KMT2C: variants seen among roughly 807,000 people sequenced by gnomAD.
KMT2C encodes the protein lysine methyltransferase 2C.
A neutral mutation model predicts 507.9 loss-of-function variants in KMT2C; 88 were observed. That is an observed-to-expected ratio of 0.17 (90% confidence interval 0.15 to 0.21). The LOEUF (loss-of-function observed/expected upper bound fraction) is 0.21. Among genes scored for constraint, KMT2C ranks in the 10% least tolerant of loss-of-function variants. The pLI, the probability that KMT2C is intolerant of heterozygous loss-of-function variation, is 1.00. For missense variants in KMT2C, 4,954 were observed against 5,957.8 expected, an observed-to-expected ratio of 0.83 and a Z score of 5.55; for synonymous variants, 2,049 against 2,080.8, an observed-to-expected ratio of 0.98 and a Z score of 0.42.
At position 152,256,358 on chromosome 7, in the gene KMT2C, G is replaced by A. The variant is rs568025765; in HGVS notation, c.1300-3643C>T. On this transcript the variant is annotated intron_variant, in intron 9 of 58. Transcript: ENST00000262189. Reference sequence around the variant, plus strand: ...AAAAATAATAAAAACAAAGTCAAAAGACACATAATACAGCCTGGACAACAT... The same window carrying A: ...AAAAATAATAAAAACAAAGTCAAAAAACACATAATACAGCCTGGACAACAT... 2.1e-4 allele frequency among the ~76,000 whole-genome samples: 32 copies of A among 151,802 alleles called. 2 individuals are homozygous for A. The highest frequency in any genetic ancestry group is 7.2e-4 in the African/African-American group (30 of 41,396).
At chr7:152,381,947 T>C (rs1289521055) in intron 1 of KMT2C, among the ~76,000 whole-genome samples, 2 of 152,212 alleles carry the variant, frequency 1.3e-5, no homozygotes, top group African/African-American at 4.8e-5. Context: ...AAGCTCAATG[T>C]CCATGTCTCC....
intron 42 of KMT2C, among the ~76,000 whole-genome samples, chr7:152,164,156 TA>T (rs1201951052): frequency 6.6e-6 from 1 of 152,082 alleles, no homozygotes; most frequent in Non-Finnish European, 1.5e-5. Context: ...AAATATACAA[TA>T]AAAAAGGTTA....
chr7:152,280,412 G>A lies in KMT2C; in HGVS notation c.850-6545C>T, dbSNP rs201816012. Among the ~76,000 whole-genome samples the A allele has an allele frequency of 6.8e-4, 104 of 152,346 alleles. No individual in the cohort carries two copies. In the East Asian group the frequency reaches 0.016, roughly 23 times the overall value. On this transcript the variant is annotated intron_variant, in intron 6 of 58. Coordinates refer to ENST00000262189, the MANE Select transcript of KMT2C (RefSeq NM_170606.3). Reference sequence around the variant, plus strand: ...AAATAAAAAAAAAAAATTAGCCGGCGTGGTGGCGCACGCCTGTAATCCCGG... The same window carrying A: ...AAATAAAAAAAAAAAATTAGCCGGCATGGTGGCGCACGCCTGTAATCCCGG...
At chr7:152,350,816 C>T (rs10262621) in intron 2 of KMT2C, among the ~76,000 whole-genome samples, 5,704 of 152,218 alleles carry the variant, frequency 0.037, 376 homozygotes, top group African/African-American at 0.13. Context: ...CTTACTGTAA[C>T]ATTTTTACTT....
At chr7:152,357,604 T>C (rs1006105829) in intron 2 of KMT2C, among the ~76,000 whole-genome samples, 2 of 151,682 alleles carry the variant, frequency 1.3e-5, no homozygotes, top group Admixed American at 6.6e-5. Context: ...AGTAACAATA[T>C]ATAGTACAGA....
At chr7:152,307,248 A>G (rs183683162) in intron 6 of KMT2C, among the ~76,000 whole-genome samples, 1 of 116,988 alleles carries the variant, frequency 8.5e-6, no homozygotes, top group Non-Finnish European at 1.7e-5. Context: ...GAAGGAAGGA[A>G]GGACGGTAGG....
intron 21 of KMT2C, among the ~76,000 whole-genome samples, chr7:152,222,321 T>C (rs1484589171): frequency 6.6e-6 from 1 of 152,224 alleles, no homozygotes; most frequent in Non-Finnish European, 1.5e-5. Flanking sequence ...AACTACAAGA[T>C]CATGTTCCTT....
chr7:152,366,002 C>T (rs1352063820), intron 1 of KMT2C, among the ~76,000 whole-genome samples: 1 of 152,028 alleles, frequency 6.6e-6, no homozygotes, highest in Non-Finnish European at 1.5e-5. Context: ...AAGATGCTCA[C>T]GATGACTATT....
intron 1 of KMT2C, among the ~76,000 whole-genome samples, chr7:152,429,036 T>G (rs2097845808): frequency 1.3e-5 from 2 of 152,094 alleles, no homozygotes; most frequent in African/African-American, 4.8e-5. Flanking sequence ...CCTCCTTCCC[T>G]CAATAATTTC....
chr7:152,377,653 T>C (rs1018456111), intron 1 of KMT2C, among the ~76,000 whole-genome samples: 3 of 150,736 alleles, frequency 2.0e-5, no homozygotes, highest in Non-Finnish European at 4.4e-5. Flanking sequence ...GGAGAATCGC[T>C]TGAACCAGGA....
Position 152,297,046 on chromosome 7 carries a change from A to AC in KMT2C, c.849+12919_849+12920insG, listed in dbSNP as rs1554622804. Among the ~76,000 whole-genome samples the AC allele has an allele frequency of 1.4e-3, 141 of 98,090 alleles. 1 individual carries two copies. The highest frequency in any genetic ancestry group is 3.5e-3 in the Admixed American group (31 of 8,830). 64.4% of individuals were successfully genotyped at this position (98,090 alleles called of 152,430 possible). A position where few individuals can be genotyped will look rare whatever the true frequency, so the allele number is the denominator to read the frequency against. ...GAAAGAAAGAAAGAAAGAAAGAAAG[A>AC]AAGAAAGACAGAGAGAGAGAGAGAG... On this transcript the variant is annotated intron_variant, in intron 6 of 58. Coordinates refer to ENST00000262189, the MANE Select transcript of KMT2C (RefSeq NM_170606.3).
intron 1 of KMT2C, among the ~76,000 whole-genome samples, chr7:152,359,200 CATAATAAAATTTAATTT>C (rs1421745013): frequency 7.0e-6 from 1 of 142,308 alleles, no homozygotes; most frequent in African/African-American, 2.6e-5. Flanking sequence ...ACCTTACAAG[CATAATAAAATTTAATTT>C]ATAAACACTT....
intron 1 of KMT2C, among the ~76,000 whole-genome samples, chr7:152,417,363 C>T (rs2097749687): frequency 6.6e-6 from 1 of 152,150 alleles, no homozygotes; most frequent in East Asian, 1.9e-4. Flanking sequence ...GGTGATCCAT[C>T]CACCTCGGCC....
chr7:152,388,044 T>C (rs1300167632), intron 1 of KMT2C, among the ~76,000 whole-genome samples: 1 of 150,260 alleles, frequency 6.7e-6, no homozygotes, highest in East Asian at 1.9e-4. Flanking sequence ...TCCCACATAA[T>C]CATGTTATGC....
Position 152,182,511 on chromosome 7 carries a change from C to T in KMT2C, c.5349G>A (p.Gln1783=), listed in dbSNP as rs754073254. 2.5e-6 allele frequency: 4 copies of T among 1,611,360 alleles called. No homozygotes were observed. The highest frequency in any genetic ancestry group is 3.4e-6 in the Non-Finnish European group (4 of 1,178,384). ...GCTGAGAACCAAATTGCTGTTGTTG[C>T]TGCTGCTGCTGCTCATTTTTCACCT... ...LEQVKNEQQQ[Q]QQQQFGSQHL... Residue 1783 remains glutamine, a synonymous_variant, in exon 36 of 59, where the codon CAG becomes CAA. Transcript: ENST00000262189.
intron 3 of KMT2C, among the ~76,000 whole-genome samples, chr7:152,328,543 A>T (rs1298723720): frequency 6.6e-6 from 1 of 152,204 alleles, no homozygotes; most frequent in Non-Finnish European, 1.5e-5. Flanking sequence ...TAGACATGGT[A>T]AGTACTTGAA....
At chr7:152,171,420 G>A in intron 39 of KMT2C, 78 bp from the exon 40 acceptor site, 1 of 897,130 alleles carries the variant, frequency 1.1e-6, no homozygotes, top group Middle Eastern at 2.7e-4. Context: ...TGTATTAGGT[G>A]CTTAACAGTT....
chr7:152,300,534 A>C (rs994603344), intron 6 of KMT2C, among the ~76,000 whole-genome samples: 1 of 152,244 alleles, frequency 6.6e-6, no homozygotes, highest in African/African-American at 2.4e-5. Context: ...TGGAAGGCAC[A>C]GCACATAAGG....
chr7:152,140,192 A>G (rs1327167837), intron 55 of KMT2C, among the ~76,000 whole-genome samples: 3 of 152,240 alleles, frequency 2.0e-5, no homozygotes, highest in African/African-American at 7.2e-5. Context: ...TCAATAACAT[A>G]GAAATCAGGC....
Sources: allele counts gnomAD v4.1 joint callset (sites outside exome capture counted in the v4.1 genomes callset), GRCh38; gene constraint gnomAD v4.1.1; transcripts MANE v1.5; gene names NCBI Gene and HGNC (gene_info 2026-07-23, HGNC 2026-07-21).